DNAH17: variants seen among roughly 807,000 people sequenced by gnomAD.
DNAH17 encodes axonemal beta dynein heavy chain 17.
DNAH17 carries 376 observed loss-of-function variants against 485.6 expected under a neutral mutation model. The observed-to-expected ratio is 0.77, with a 90% CI of 0.71 to 0.84. The LOEUF (loss-of-function observed/expected upper bound fraction) is 0.84, where lower values mean the gene tolerates loss of function less well. Ranked by LOEUF, DNAH17 falls within the 40% of genes least tolerant of loss-of-function variation. The pLI is 0.00. For synonymous variants in DNAH17, 3,031 were observed against 2,405.9 expected, an observed-to-expected ratio of 1.26 and a Z score of -7.60; for missense variants, 6,370 against 5,839.3, an observed-to-expected ratio of 1.09 and a Z score of -2.96.
intron 55 of DNAH17, 44 bp downstream of exon 55, chr17:78,468,573 A>C (rs757427594): frequency 6.3e-6 from 10 of 1,587,832 alleles, no homozygotes; most frequent in Non-Finnish European, 8.6e-6. Flanking sequence ...GGCCACGGGC[A>C]CCAAGCTGGG....
In DNAH17 at chr17:78,494,709, T is replaced by C; in HGVS notation, c.6154A>G (p.Arg2052Gly). 1 of 1,613,866 alleles carries C rather than the reference T, an allele frequency of 6.2e-7. No homozygotes were observed. The highest frequency in any genetic ancestry group is 1.7e-5 in the Admixed American group (1 of 60,028). ...ACAATCTTGGGGATGTTGAAGTCTC[T>C]CAGCGCCCGCATGAGCACCTGGTCC... Reference protein sequence around the residue: ...AEDQVLMRALRDFNIPKIVTD... With the variant: ...AEDQVLMRALGDFNIPKIVTD... The change falls in exon 40 of 81, where the codon AGA becomes GGA. Residue 2052 changes from arginine (R) to glycine (G), a missense_variant. Coordinates refer to ENST00000389840, the MANE Select transcript of DNAH17 (RefSeq NM_173628.4).
Position 78,450,763 on chromosome 17 carries a change from C to A in DNAH17, c.10818G>T (p.Ala3606=). The change falls in exon 67 of 81, where the codon GCG becomes GCT. Residue 3606 remains alanine (A), a synonymous_variant. Transcript: ENST00000389840. ...EDSLLARLSA[A]SGNFLGDTAL... ...CCGTGTCTCCCAGAAAGTTCCCCGA[C>A]GCAGCCGACAGACGGGCCAGGAGCG... is the stretch of plus-strand genomic sequence containing the variant. 6.2e-7 allele frequency: 1 copy of A among 1,614,076 alleles called. No homozygotes were observed. Among genetic ancestry groups the A allele is most frequent in the South Asian group, 1.1e-5 (1 of 91,092 alleles).
At chr17:78,459,331 C>T in intron 60 of DNAH17, 123 bp from the exon 61 acceptor site, 3 of 955,512 alleles carry the variant, frequency 3.1e-6, no homozygotes, top group Non-Finnish European at 4.9e-6. Context: ...GGGATTCACA[C>T]AGTCAGGCTG....
At chr17:78,461,795 A>G in intron 57 of DNAH17, 87 bp from the exon 58 acceptor site, 1 of 1,351,178 alleles carries the variant, frequency 7.4e-7, no homozygotes, top group Non-Finnish European at 1.0e-6. Flanking sequence ...GCTGGGAGCC[A>G]CAGAGGGGCA....
chr17:78,565,172 C>T (rs377671037), intron 11 of DNAH17, among the ~76,000 whole-genome samples: 2,846 of 122,614 alleles, frequency 0.023, 99 homozygotes, highest in African/African-American at 0.087. Context: ...GTATTCAAAG[C>T]TGAGCTCCCA....
At chr17:78,544,509 T>TG (rs1223980427) in intron 16 of DNAH17, among the ~76,000 whole-genome samples, 1 of 151,932 alleles carries the variant, frequency 6.6e-6, no homozygotes, top group African/African-American at 2.4e-5. Context: ...ACCACAAGGG[T>TG]GGTGGCCACT....
chr17:78,559,933 C>G (rs75886881), intron 13 of DNAH17, among the ~76,000 whole-genome samples: 1 of 152,156 alleles, frequency 6.6e-6, no homozygotes, highest in Non-Finnish European at 1.5e-5. Flanking sequence ...CTCTGCTCAG[C>G]GGCACTCTGA....
chr17:78,475,799 T>C lies in DNAH17; in HGVS notation c.8189A>G (p.Asn2730Ser), dbSNP rs2088987344. ...CCCTTGAGCAAAGTGGCAGAAGATA[T>C]TTGGCTTGGCAAATAAGAGTTCATC... The part of the protein sequence containing the change: ...LGDELLFAKP[N>S]IFCHFAQGIG... Residue 2730 changes from asparagine (N) to serine (S), a missense_variant, in exon 53 of 81, where the codon AAT (asparagine) becomes AGT (serine). By Grantham distance (46) the Asn-to-Ser change is conservative (BLOSUM62 1). Coordinates refer to ENST00000389840, the MANE Select transcript of DNAH17 (RefSeq NM_173628.4). 3 of 1,613,882 alleles carry C rather than the reference T, an allele frequency of 1.9e-6. No homozygotes were observed. The highest frequency in any genetic ancestry group is 2.5e-6 in the Non-Finnish European group (3 of 1,179,866).
chr17:78,460,319 T>G, intron 58 of DNAH17, 62 bp from the exon 59 acceptor site: 1 of 1,441,522 alleles, frequency 6.9e-7, no homozygotes, highest in South Asian at 1.3e-5. Context: ...TGGGGGCGTG[T>G]ACGTGCATGT....
intron 73 of DNAH17, among the ~76,000 whole-genome samples, chr17:78,438,391 G>A (rs187983782): frequency 1.8e-4 from 21 of 115,022 alleles, no homozygotes; most frequent in Admixed American, 1.3e-3. Flanking sequence ...TCTCCTGGGC[G>A]CTCTGGGCTT....
intron 56 of DNAH17, among the ~76,000 whole-genome samples, chr17:78,464,963 T>TCTCCCC (rs1024489242): frequency 5.9e-5 from 9 of 152,198 alleles, no homozygotes; most frequent in African/African-American, 2.2e-4. Flanking sequence ...TCCCTCTCCC[T>TCTCCCC]CTCCCCACGG....
intron 14 of DNAH17, among the ~76,000 whole-genome samples, 161 bp downstream of exon 14, chr17:78,557,947 T>C (rs1038878832): frequency 4.6e-5 from 7 of 152,046 alleles, no homozygotes; most frequent in East Asian, 1.9e-4. Flanking sequence ...CACATACACA[T>C]AGCAGGTACT....
chr17:78,461,555 C>A lies in DNAH17; in HGVS notation c.9328G>T (p.Val3110Phe). The A allele has an allele frequency of 6.3e-7, 1 of 1,593,850 alleles. No homozygotes were observed. The highest frequency in any genetic ancestry group is 8.5e-7 in the Non-Finnish European group (1 of 1,171,318). ...CTGCCTTCACCTACCTTATTGATGA[C>A]CTCGACCTTGACTTCTTCCTGGTCA... ...IADQEEVKVE[V>F]INKNVTEKQK... Residue 3110 changes from valine to phenylalanine, a missense_variant, in exon 58 of 81, where the codon GTC becomes TTC. Transcript: ENST00000389840.
At chr17:78,458,803 G>A (rs2087937078) in intron 61 of DNAH17, 123 bp from the exon 62 acceptor site, 3 of 1,063,476 alleles carry the variant, frequency 2.8e-6, no homozygotes, top group African/African-American at 3.1e-5. Flanking sequence ...AAGGCTGAGA[G>A]CCCTCTGGAG....
At position 78,515,107 on chromosome 17, in the gene DNAH17, C is replaced by T. The variant is rs2090747079; in HGVS notation, c.3865-85G>A. On this transcript the variant is annotated intron_variant, in intron 25 of 80. Coordinates refer to ENST00000389840, the MANE Select transcript of DNAH17 (RefSeq NM_173628.4). ...ACCCTCTTACCTTTCTGCACTTACT[C>T]GCAGGGAGCAAAGCCCAGTGAGGAA... 55 of 1,505,472 alleles carry T rather than the reference C, an allele frequency of 3.7e-5. No homozygotes were observed. The South Asian group carries it at 5.4e-4, about 15-fold the overall frequency. 93.3% of individuals were successfully genotyped at this position (1,505,472 alleles called of 1,614,324 possible).
rs373149236 is a variant in DNAH17, at chr17:78,567,098, G to T, written c.1353C>A (p.Asn451Lys). The T allele has an allele frequency of 1.9e-4, 301 of 1,612,754 alleles. No individual in the cohort carries two copies. Among genetic ancestry groups the T allele is most frequent in the Non-Finnish European group, 2.4e-4 (284 of 1,179,490 alleles). Reference protein sequence around the residue: ...EKIELGGVRGNLLGSLVTRIY... With the variant: ...EKIELGGVRGKLLGSLVTRIY... ...TACGGGTCACCAGGCTCCCGAGGAG[G>T]TTCCCACGCACGCCCCCAAGCTCGA... The change falls in exon 10 of 81, where the codon AAC becomes AAA. Residue 451 changes from asparagine to lysine, a missense_variant. Coordinates refer to ENST00000389840, the MANE Select transcript of DNAH17 (RefSeq NM_173628.4).
At chr17:78,460,587 G>A (rs964204870) in intron 58 of DNAH17, among the ~76,000 whole-genome samples, 3 of 152,174 alleles carry the variant, frequency 2.0e-5, no homozygotes, top group African/African-American at 7.2e-5. Context: ...GTGTGTGCTT[G>A]GCCCCTGTCT....
At chr17:78,450,931 A>G in intron 66 of DNAH17, 85 bp from the exon 67 acceptor site, 3 of 1,533,982 alleles carry the variant, frequency 2.0e-6, no homozygotes, top group Non-Finnish European at 2.7e-6. Context: ...CATGTAGCTG[A>G]GCCAAGGCCC....
rs1163757605 is a variant in DNAH17 at position 78,570,971 on chromosome 17, TCTC to T, written c.892_894del (p.Glu298del). 6.3e-7 allele frequency: 1 copy of T among 1,582,758 alleles called. No individual in the cohort carries two copies. Among genetic ancestry groups the T allele is most frequent in the Non-Finnish European group, 8.6e-7 (1 of 1,164,314 alleles). ...ACCATCGTGAAGTCGGCTTGTTCCATCTCCTCCAGCAGGATCCGTAGGGGCTTC... is the reference window on the plus strand; with the variant it reads ...ACCATCGTGAAGTCGGCTTGTTCCATCTCCAGCAGGATCCGTAGGGGCTTC... On this transcript the variant is annotated inframe_deletion, in exon 6 of 81. Coordinates refer to ENST00000389840, the MANE Select transcript of DNAH17 (RefSeq NM_173628.4).
Sources: gnomAD v4.1 joint callset for allele counts (sites outside exome capture counted in the v4.1 genomes callset) on GRCh38, gnomAD v4.1.1 for gene constraint, MANE v1.5 for transcripts, NCBI Gene and HGNC (gene_info 2026-07-23, HGNC 2026-07-21) for gene names.